Variants in MAP3K4 observed in about 807,000 individuals in gnomAD.
The protein encoded by MAP3K4 is mitogen-activated protein kinase kinase kinase 4, also known as MAP three kinase 1.
A neutral mutation model predicts 185.6 loss-of-function variants in MAP3K4; 67 were observed. The observed-to-expected ratio is 0.36, with a 90% confidence interval of 0.30 to 0.44. MAP3K4 has a LOEUF of 0.44. Among genes scored for constraint, MAP3K4 ranks in the 20% least tolerant of loss-of-function variants. The pLI, the probability that MAP3K4 is intolerant of heterozygous loss-of-function variation, is 1.00. For synonymous variants in MAP3K4, 702 were observed against 710.4 expected (o/e 0.99, Z 0.19); for missense variants, 1,551 against 1,995.1 (o/e 0.78, Z 4.24).
At chr6:161,039,069 C>T (rs1224372578) in intron 2 of MAP3K4, among the ~76,000 whole-genome samples, 5 of 152,114 alleles carry the variant, frequency 3.3e-5, no homozygotes, top group African/African-American at 1.2e-4. Flanking sequence ...CGCGGTTGTG[C>T]AGTGTCACTT....
rs1784246377 is a variant in MAP3K4, at chr6:161,056,601, T to A, written c.1707+6622T>A. ...ATTACATGTTTGTTCAACCCTACCA[T>A]ACGTGTAAAGTAGTTTCAGAATTGC... On this transcript the variant is annotated intron_variant, in intron 3 of 26. Transcript: ENST00000392142. This position sits in a 1 kb window ranked among gnomAD's most constrained non-coding sequence, Gnocchi z 5.4. Among the ~76,000 whole-genome samples, 1 of 152,232 alleles carries A rather than the reference T, an allele frequency of 6.6e-6. No individual in the cohort carries two copies. The highest frequency in any genetic ancestry group is 1.5e-5 in the Non-Finnish European group (1 of 68,046).
chr6:160,997,079 T>C (rs1781030821), intron 1 of MAP3K4, among the ~76,000 whole-genome samples: 1 of 152,228 alleles, frequency 6.6e-6, no homozygotes, highest in Admixed American at 6.5e-5. Flanking sequence ...TAATCTTCAG[T>C]CTTTATAACA....
rs550592813 is a variant in MAP3K4, at chr6:161,115,604, G to C, written c.4806+302G>C. 6.6e-6 allele frequency among the ~76,000 whole-genome samples: 1 copy of C among 152,114 alleles called. No individual in the cohort carries two copies. Among genetic ancestry groups the C allele is most frequent in the African/African-American group, 2.4e-5 (1 of 41,410 alleles). ...TTGAGAGTGTATAGTCTACTTGGAG[G>C]GTCAAGACGGTAATGACTAATCATT... On this transcript the variant is annotated intron_variant, in intron 26 of 26. Transcript: ENST00000392142. This position sits in a 1 kb window ranked among gnomAD's most constrained non-coding sequence, Gnocchi z 6.0.
chr6:161,101,233 A>G lies in MAP3K4; in HGVS notation c.3675-659A>G, dbSNP rs888150759. On this transcript the variant is annotated intron_variant, in intron 17 of 26. Coordinates refer to ENST00000392142, the MANE Select transcript of MAP3K4 (RefSeq NM_005922.4). The surrounding 1 kb of genome is among the most constrained non-coding windows in gnomAD (Gnocchi z 5.1). ...TCACTTTATTCTGGAAAAGCACCTC[A>G]TTAACTTTGTTCTTTAATATATTAA... 6.6e-6 allele frequency: 1 copy of G among 152,154 alleles called. No homozygotes were observed. Among genetic ancestry groups the G allele is most frequent in the Admixed American group, 6.5e-5 (1 of 15,276 alleles). 9.4% of individuals were successfully genotyped at this position (152,154 alleles called of 1,614,324 possible).
Position 161,108,092 on chromosome 6 carries a change from A to T in MAP3K4, c.4119+123A>T. ...AGCTGTCTTCAGCACCAGCACTGCG[A>T]CAGTCAGGACCAACCAGGCAGATGC... On this transcript the variant is annotated intron_variant, in intron 21 of 26. Coordinates refer to ENST00000392142, the MANE Select transcript of MAP3K4 (RefSeq NM_005922.4). This position sits in a 1 kb window ranked among gnomAD's most constrained non-coding sequence, Gnocchi z 5.7. 2 of 762,036 alleles carry T rather than the reference A, an allele frequency of 2.6e-6. No individual in the cohort carries two copies. Among genetic ancestry groups the T allele is most frequent in the Non-Finnish European group, 4.3e-6 (2 of 469,916 alleles). The allele number at this position is 762,036 out of a possible 1,614,324, so 47.2% of individuals were successfully genotyped here.
At chr6:161,078,875 T>C (rs191082524) in intron 5 of MAP3K4, among the ~76,000 whole-genome samples, 1 of 152,286 alleles carries the variant, frequency 6.6e-6, no homozygotes, top group East Asian at 1.9e-4. Flanking sequence ...GTAGGGTCTT[T>C]TGTTTTGCTT....
chr6:161,071,489 T>G lies in MAP3K4; in HGVS notation c.1950+639T>G, dbSNP rs1248054944. 1.3e-5 allele frequency among the ~76,000 whole-genome samples: 2 copies of G among 152,162 alleles called. No homozygotes were observed. The highest frequency in any genetic ancestry group is 2.4e-5 in the African/African-American group (1 of 41,448). ...TTGTCCCCAAAAGAAGAAAGGTTGG[T>G]ATGTTTTTTGTAGACTGTACGTGTC... On this transcript the variant is annotated intron_variant, in intron 4 of 26. Coordinates refer to ENST00000392142, the MANE Select transcript of MAP3K4 (RefSeq NM_005922.4). This position sits in a 1 kb window ranked among gnomAD's most constrained non-coding sequence, Gnocchi z 4.6.
In MAP3K4 at chr6:161,097,066, A is replaced by AT. The variant is rs1777604995; in HGVS notation, c.3428-9dup. ...ATATTAACAAGTTGCATTTGTTGCC[A>AT]TTTTTGCTGGCAGCCATTCATCGGA... On this transcript the variant is annotated splice_polypyrimidine_tract_variant and intron_variant, in intron 15 of 26. Coordinates refer to ENST00000392142, the MANE Select transcript of MAP3K4 (RefSeq NM_005922.4). This position sits in a 1 kb window ranked among gnomAD's most constrained non-coding sequence, Gnocchi z 4.9. 5.6e-6 allele frequency: 9 copies of AT among 1,612,406 alleles called. No individual in the cohort carries two copies. Among genetic ancestry groups the AT allele is most frequent in the Non-Finnish European group, 7.6e-6 (9 of 1,178,676 alleles).
At position 161,051,058 on chromosome 6, in the gene MAP3K4, T is replaced by A. The variant is rs1377645598; in HGVS notation, c.1707+1079T>A. Among the ~76,000 whole-genome samples the A allele has an allele frequency of 1.3e-5, 2 of 152,228 alleles. No individual in the cohort carries two copies. Among genetic ancestry groups the A allele is most frequent in the African/African-American group, 4.8e-5 (2 of 41,460 alleles). On this transcript the variant is annotated intron_variant, in intron 3 of 26. Transcript: ENST00000392142. The surrounding 1 kb of genome is among the most constrained non-coding windows in gnomAD (Gnocchi z 4.2). ...GTAATGCCTTATGTAATATAAATGC[T>A]GTGTAAATGGTTGTTAATACTGTAT... is the stretch of plus-strand genomic sequence containing the variant.
chr6:161,102,788 AAG>A lies in MAP3K4; in HGVS notation c.3856+12_3856+13del. ...AATCAGCCAGAGTAAAGGTGAGAGA[AAG>A]AGTGTTGAAGTTAAAAAAAAAAAAA... On this transcript the variant is annotated intron_variant, in intron 19 of 26. Transcript: ENST00000392142. 7.0e-7 allele frequency: 1 copy of A among 1,425,794 alleles called. No homozygotes were observed. The allele number at this position is 1,425,794 out of a possible 1,614,324, so 88.3% of individuals were successfully genotyped here. A position where few individuals can be genotyped will look rare whatever the true frequency, so the allele number is the denominator to read the frequency against.
chr6:161,008,203 G>A lies in MAP3K4; in HGVS notation c.152+16120G>A, dbSNP rs1781686795. Among the ~76,000 whole-genome samples, 1 of 152,118 alleles carries A rather than the reference G, an allele frequency of 6.6e-6. No individual in the cohort carries two copies. Among genetic ancestry groups the A allele is most frequent in the Admixed American group, 6.5e-5 (1 of 15,270 alleles). On this transcript the variant is annotated intron_variant, in intron 1 of 26. Transcript: ENST00000392142. This position sits in a 1 kb window ranked among gnomAD's most constrained non-coding sequence, Gnocchi z 4.1. ...AATTGCATACTCATTTTCACTGGGT[G>A]TTTTCTGATATTTCTCTTCTAGGAA...
In MAP3K4 at chr6:161,048,369, AG is replaced by A; in HGVS notation, c.344-245del. The A allele has an allele frequency of 1.5e-6, 1 of 653,020 alleles. No individual in the cohort carries two copies. Among genetic ancestry groups the A allele is most frequent in the South Asian group, 1.5e-5 (1 of 67,120 alleles). The allele number at this position is 653,020 out of a possible 1,614,324, so 40.5% of individuals were successfully genotyped here. On this transcript the variant is annotated intron_variant, in intron 2 of 26. Coordinates refer to ENST00000392142, the MANE Select transcript of MAP3K4 (RefSeq NM_005922.4). The surrounding 1 kb of genome is among the most constrained non-coding windows in gnomAD (Gnocchi z 4.7). ...ATAGAGAGAAATAAACAGCTAGTTT[AG>A]GTAATTAGTTGTGAATATAAGAGAA... is the stretch of plus-strand genomic sequence containing the variant.
intron 1 of MAP3K4, among the ~76,000 whole-genome samples, chr6:160,995,939 A>G (rs539643056): frequency 6.6e-6 from 1 of 152,366 alleles, no homozygotes; most frequent in Admixed American, 6.5e-5. Context: ...CATGCTGCAT[A>G]AATTTAACAA....
rs1216060047 is a variant in MAP3K4, at chr6:161,051,957, T to C, written c.1707+1978T>C. On this transcript the variant is annotated intron_variant, in intron 3 of 26. Coordinates refer to ENST00000392142, the MANE Select transcript of MAP3K4 (RefSeq NM_005922.4). The surrounding 1 kb of genome is among the most constrained non-coding windows in gnomAD (Gnocchi z 4.2). ...CTGCCTTAGCCTCCTGAGTAGCTTG[T>C]ATTACTTTTTATTGTTGTATTCTTA... is the stretch of plus-strand genomic sequence containing the variant. Among the ~76,000 whole-genome samples the C allele has an allele frequency of 2.0e-5, 3 of 152,178 alleles. No homozygotes were observed. Among genetic ancestry groups the C allele is most frequent in the Non-Finnish European group, 4.4e-5 (3 of 68,028 alleles).
At position 161,081,002 on chromosome 6, in the gene MAP3K4, T is replaced by C; in HGVS notation, c.2219T>C (p.Ile740Thr). Reference protein sequence around the residue: ...WNFTKEITHYIRGGEAQAGKL... With the variant: ...WNFTKEITHYTRGGEAQAGKL... ...TTCACCAAAGAAATAACTCATTACATACGGGGAGGAGAAGCACAGGCCGGG... is the reference window on the plus strand; with the variant it reads ...TTCACCAAAGAAATAACTCATTACACACGGGGAGGAGAAGCACAGGCCGGG... The change falls in exon 6 of 27, where the codon ATA becomes ACA. Residue 740 changes from isoleucine to threonine, a missense_variant. Coordinates refer to ENST00000392142, the MANE Select transcript of MAP3K4 (RefSeq NM_005922.4). The C allele has an allele frequency of 6.2e-7, 1 of 1,614,146 alleles. No homozygotes were observed. Among genetic ancestry groups the C allele is most frequent in the Non-Finnish European group, 8.5e-7 (1 of 1,180,016 alleles).
intron 1 of MAP3K4, 139 bp downstream of exon 1, chr6:160,992,222 C>A: frequency 8.3e-7 from 1 of 1,198,738 alleles, no homozygotes; most frequent in Non-Finnish European, 1.1e-6. Context: ...GCGGGAGGGG[C>A]GCGGTGCATC....
chr6:161,070,579 A>G lies in MAP3K4; in HGVS notation c.1708-29A>G, dbSNP rs1784893032. On this transcript the variant is annotated intron_variant, in intron 3 of 26. Coordinates refer to ENST00000392142, the MANE Select transcript of MAP3K4 (RefSeq NM_005922.4). The surrounding 1 kb of genome is among the most constrained non-coding windows in gnomAD (Gnocchi z 4.5). ...AGAACGTTGTCTCGTATGCTCTTTT[A>G]ATCTGTGCCTGTTGAATTTTTGTTA... The G allele has an allele frequency of 6.2e-7, 1 of 1,606,558 alleles. No homozygotes were observed. Among genetic ancestry groups the G allele is most frequent in the African/African-American group, 1.3e-5 (1 of 74,652 alleles).
rs190792862 is a variant in MAP3K4 at position 161,103,792 on chromosome 6, C to T, written c.3856+1013C>T. 2.0e-5 allele frequency among the ~76,000 whole-genome samples: 3 copies of T among 152,254 alleles called. No homozygotes were observed. The East Asian group carries it at 5.8e-4, about 29-fold the overall frequency. On this transcript the variant is annotated intron_variant, in intron 19 of 26. Coordinates refer to ENST00000392142, the MANE Select transcript of MAP3K4 (RefSeq NM_005922.4). The surrounding 1 kb of genome is among the most constrained non-coding windows in gnomAD (Gnocchi z 4.6). ...GAAAGTGGGCAGATTGGTTAAAATG[C>T]CATTGCAGAAATTCAGTATAAATAA... is the stretch of plus-strand genomic sequence containing the variant.
intron 1 of MAP3K4, among the ~76,000 whole-genome samples, chr6:161,000,052 AG>A (rs1781194469): frequency 6.6e-6 from 1 of 152,204 alleles, no homozygotes; most frequent in African/African-American, 2.4e-5. Flanking sequence ...TCTGGTCTGT[AG>A]TAGTGGTTTT....
Sources: gnomAD v4.1 joint callset for allele counts (sites outside exome capture counted in the v4.1 genomes callset) on GRCh38, gnomAD v4.1.1 for gene constraint, Gnocchi (gnomAD v3.1) non-coding constraint, MANE v1.5 for transcripts, NCBI Gene and HGNC (gene_info 2026-07-23, HGNC 2026-07-21) for gene names.